The following DLC1 variants were observed in gnomAD, a reference collection of about 807,000 sequenced individuals.
DLC1 encodes rho GTPase-activating protein 7.
A neutral mutation model predicts 140.3 loss-of-function variants in DLC1; 54 were observed. That is an observed-to-expected ratio of 0.38 (90% confidence interval 0.31 to 0.48). DLC1 has a LOEUF of 0.48. Ranked by LOEUF, DLC1 falls within the 20% of genes least tolerant of loss-of-function variation. The pLI is 0.96. For synonymous variants in DLC1, 986 were observed against 728.1 expected, an observed-to-expected ratio of 1.35 and a Z score of -5.70; for missense variants, 2,536 against 1,907.0, an observed-to-expected ratio of 1.33 and a Z score of -6.14.
intron 1 of DLC1, among the ~76,000 whole-genome samples, chr8:13,547,449 C>T (rs1021479036): frequency 1.3e-5 from 2 of 151,928 alleles, no homozygotes; most frequent in Non-Finnish European, 2.9e-5. Context: ...TGTTACTCAC[C>T]CAACACAGTC....
At chr8:13,319,346 C>G (rs1345369226) in intron 4 of DLC1, among the ~76,000 whole-genome samples, 2 of 152,176 alleles carry the variant, frequency 1.3e-5, no homozygotes, top group Non-Finnish European at 2.9e-5. Context: ...AAACATCATT[C>G]TCTCCACAAC....
chr8:13,144,150 C>T (rs913223383), intron 5 of DLC1, among the ~76,000 whole-genome samples: 1 of 152,184 alleles, frequency 6.6e-6, no homozygotes, highest in African/African-American at 2.4e-5. Context: ...TTTGGACAGG[C>T]ACTGTCCAAT....
chr8:13,303,970 T>C (rs1832313247), intron 5 of DLC1, among the ~76,000 whole-genome samples: 1 of 152,168 alleles, frequency 6.6e-6, no homozygotes, highest in African/African-American at 2.4e-5. Context: ...TTTCCCCTCC[T>C]GACCAGCCAA....
chr8:13,355,680 A>T (rs1224310691), intron 4 of DLC1, among the ~76,000 whole-genome samples: 3 of 152,232 alleles, frequency 2.0e-5, no homozygotes, highest in Non-Finnish European at 4.4e-5. Flanking sequence ...GACCCAGTTC[A>T]TTCCATTGCA....
chr8:13,388,014 A>G (rs750897890), intron 4 of DLC1, among the ~76,000 whole-genome samples: 3 of 152,040 alleles, frequency 2.0e-5, no homozygotes, highest in Non-Finnish European at 4.4e-5. Flanking sequence ...AAAATTATAT[A>G]TAAAATATGT....
intron 1 of DLC1, among the ~76,000 whole-genome samples, chr8:13,569,549 C>T (rs1368838842): frequency 1.3e-5 from 2 of 151,952 alleles, no homozygotes; most frequent in African/African-American, 2.4e-5. Flanking sequence ...TTTAGAATTC[C>T]CCCATTAAAG....
At chr8:13,313,132 A>C (rs1334162182) in intron 4 of DLC1, among the ~76,000 whole-genome samples, 1 of 152,138 alleles carries the variant, frequency 6.6e-6, no homozygotes, top group Non-Finnish European at 1.5e-5. Flanking sequence ...TTTTACTTAC[A>C]GCACTGTTTT....
rs189204359 is a variant in DLC1 at position 13,375,361 on chromosome 8, A to G, written c.1314+18192T>C. On this transcript the variant is annotated intron_variant, in intron 4 of 17. Transcript: ENST00000276297. Reference sequence around the variant, plus strand: ...TGTGATTTTTGCACATTGATTTTGTATCCTGAGAATTTTCTGAAGTTGCTT... The same window carrying G: ...TGTGATTTTTGCACATTGATTTTGTGTCCTGAGAATTTTCTGAAGTTGCTT... Among the ~76,000 whole-genome samples, 831 of 152,242 alleles carry G rather than the reference A, an allele frequency of 5.5e-3. 4 individuals carry two copies. The highest frequency in any genetic ancestry group is 0.031 in the Middle Eastern group (9 of 294).
intron 5 of DLC1, among the ~76,000 whole-genome samples, chr8:13,126,364 T>TA (rs1821564387): frequency 8.7e-6 from 1 of 114,570 alleles, no homozygotes; most frequent in Non-Finnish European, 1.7e-5. Flanking sequence ...TATCTCTCTA[T>TA]CCATACACAC....
intron 5 of DLC1, among the ~76,000 whole-genome samples, chr8:13,301,341 C>T (rs368153876): frequency 6.6e-6 from 1 of 152,100 alleles, no homozygotes; most frequent in Non-Finnish European, 1.5e-5. Flanking sequence ...TCTTCTTCCA[C>T]ATGGACAGCT....
intron 1 of DLC1, among the ~76,000 whole-genome samples, chr8:13,563,383 A>G (rs1370685450): frequency 6.6e-6 from 1 of 152,214 alleles, no homozygotes; most frequent in Non-Finnish European, 1.5e-5. Flanking sequence ...AAAACAAAGT[A>G]TTTATGGACA....
At chr8:13,498,894 G>C (rs550650717) in intron 2 of DLC1, 155 bp downstream of exon 2, 20 of 760,130 alleles carry the variant, frequency 2.6e-5, no homozygotes, top group Non-Finnish European at 4.0e-5. Context: ...ATATTTTGAT[G>C]GTTTGACCAA....
intron 4 of DLC1, among the ~76,000 whole-genome samples, chr8:13,349,953 G>C (rs565649433): frequency 1.3e-5 from 2 of 152,208 alleles, no homozygotes; most frequent in Admixed American, 1.3e-4. Flanking sequence ...TTCAGTCTCT[G>C]AGACCAGCTT....
intron 4 of DLC1, among the ~76,000 whole-genome samples, chr8:13,366,315 T>A (rs1835476830): frequency 6.6e-6 from 1 of 152,174 alleles, no homozygotes; most frequent in African/African-American, 2.4e-5. Context: ...CTGTTGAGCA[T>A]CCACTACATG....
chr8:13,475,027 G>T (rs369322778), intron 2 of DLC1, among the ~76,000 whole-genome samples: 1 of 151,896 alleles, frequency 6.6e-6, no homozygotes, highest in Non-Finnish European at 1.5e-5. Flanking sequence ...TGCCCAGGCT[G>T]GTCTTGAACT....
chr8:13,550,202 G>C (rs1377740404), intron 1 of DLC1, among the ~76,000 whole-genome samples: 1 of 152,092 alleles, frequency 6.6e-6, no homozygotes, highest in African/African-American at 2.4e-5. Flanking sequence ...CCCCCATGCT[G>C]TGCTTGTGAT....
intron 4 of DLC1, among the ~76,000 whole-genome samples, chr8:13,319,589 C>CTAGCCA (rs1554496298): frequency 6.6e-6 from 1 of 151,402 alleles, no homozygotes; most frequent in East Asian, 2.0e-4. Flanking sequence ...TCCTCCAGCG[C>CTAGCCA]CAGCCATGTA....
At chr8:13,137,875 G>A (rs1003345653) in intron 5 of DLC1, among the ~76,000 whole-genome samples, 2 of 152,006 alleles carry the variant, frequency 1.3e-5, no homozygotes, top group African/African-American at 2.4e-5. Context: ...TGGGATTACA[G>A]GTGTGAGCCA....
chr8:13,251,002 T>C (rs1039077248), intron 5 of DLC1, among the ~76,000 whole-genome samples: 4 of 152,176 alleles, frequency 2.6e-5, no homozygotes. Context: ...TTCAGTGGTT[T>C]TTTCACAGTG....
Sources: gnomAD v4.1 joint callset for allele counts (sites outside exome capture counted in the v4.1 genomes callset) on GRCh38, gnomAD v4.1.1 for gene constraint, MANE v1.5 for transcripts, NCBI Gene and HGNC (gene_info 2026-07-23, HGNC 2026-07-21) for gene names.